TGFB3: variants seen among roughly 807,000 people sequenced by gnomAD.
The protein encoded by TGFB3 is transforming growth factor beta 3.
In TGFB3, 5 loss-of-function variants were observed where a neutral mutation model predicts 40.1. That is an observed-to-expected ratio of 0.12 (90% CI 0.07 to 0.26). The LOEUF is 0.26. Among genes scored for constraint, TGFB3 ranks in the 10% least tolerant of loss-of-function variants. TGFB3 has a pLI of 1.00. For synonymous variants in TGFB3, 184 were observed against 205.6 expected, an observed-to-expected ratio of 0.89 and a Z score of 0.90; for missense variants, 373 against 530.1, an observed-to-expected ratio of 0.70 and a Z score of 2.91.
rs3917150 is a variant in TGFB3 at position 75,979,854 on chromosome 14, G to A, written c.352+688C>T. Among the ~76,000 whole-genome samples, 1 of 152,174 alleles carries A rather than the reference G, an allele frequency of 6.6e-6. No homozygotes were observed. Among genetic ancestry groups the A allele is most frequent in the Non-Finnish European group, 1.5e-5 (1 of 68,026 alleles). ...GCGCCCATTTTGAGCACATGAATCT[G>A]TCTACTGCACAAGACTGCATGTCAC... On this transcript the variant is annotated intron_variant, in intron 1 of 6. Coordinates refer to ENST00000238682, the MANE Select transcript of TGFB3 (RefSeq NM_003239.5). This position sits in a 1 kb window ranked among gnomAD's most constrained non-coding sequence, Gnocchi z 4.8.
chr14:75,959,829 G>A (rs1283851851), intron 6 of TGFB3, among the ~76,000 whole-genome samples: 3 of 149,698 alleles, frequency 2.0e-5, no homozygotes, highest in Non-Finnish European at 4.4e-5. Context: ...TAGTTGTGTA[G>A]TTGCTGTTCA....
chr14:75,981,416 G>C lies in TGFB3; in HGVS notation c.-523C>G, dbSNP rs2035430989. On this transcript the variant is annotated 5_prime_UTR_variant, in exon 1 of 7. Coordinates refer to ENST00000238682, the MANE Select transcript of TGFB3 (RefSeq NM_003239.5). This position sits in a 1 kb window ranked among gnomAD's most constrained non-coding sequence, Gnocchi z 4.7. ...TAAGAAAAGAGAATGGAAAAGAAAA[G>C]GGAAAAAAAAGTAAAAAAAAAAAGA... 5.8e-6 allele frequency: 1 copy of C among 173,466 alleles called. No individual in the cohort carries two copies. The highest frequency in any genetic ancestry group is 2.4e-5 in the African/African-American group (1 of 41,416). 10.7% of individuals were successfully genotyped at this position (173,466 alleles called of 1,614,324 possible).
At chr14:75,962,279 A>T (rs2035166725) in intron 5 of TGFB3, among the ~76,000 whole-genome samples, 1 of 152,122 alleles carries the variant, frequency 6.6e-6, no homozygotes, top group Non-Finnish European at 1.5e-5. Flanking sequence ...CCTAACTGAT[A>T]ACTGATTCGT....
At chr14:75,972,466 A>T (rs1244373068) in intron 1 of TGFB3, among the ~76,000 whole-genome samples, 1 of 152,214 alleles carries the variant, frequency 6.6e-6, no homozygotes, top group Non-Finnish European at 1.5e-5. Context: ...ATGCAGGAGC[A>T]CAGGTGAGGG....
rs2035405309 is a variant in TGFB3, at chr14:75,980,066, G to T, written c.352+476C>A. ...TTGGGGCAGGTATTCTTCTTCCCAAGAACTGGAAAAACTGAAACGGAGACG... is the reference window on the plus strand; with the variant it reads ...TTGGGGCAGGTATTCTTCTTCCCAATAACTGGAAAAACTGAAACGGAGACG... On this transcript the variant is annotated intron_variant, in intron 1 of 6. Coordinates refer to ENST00000238682, the MANE Select transcript of TGFB3 (RefSeq NM_003239.5). The surrounding 1 kb of genome is among the most constrained non-coding windows in gnomAD (Gnocchi z 4.3). 6.6e-6 allele frequency among the ~76,000 whole-genome samples: 1 copy of T among 152,182 alleles called. No individual in the cohort carries two copies. Among genetic ancestry groups the T allele is most frequent in the South Asian group, 2.1e-4 (1 of 4,836 alleles).
chr14:75,963,691 C>T (rs910284694), intron 4 of TGFB3, among the ~76,000 whole-genome samples: 1 of 152,158 alleles, frequency 6.6e-6, no homozygotes, highest in African/African-American at 2.4e-5. Flanking sequence ...CAAAAGAACT[C>T]ATTATTATTG....
At position 75,959,108 on chromosome 14, in the gene TGFB3, G is replaced by A. The variant is rs969758332; in HGVS notation, c.*79C>T. The A allele has an allele frequency of 1.6e-5, 26 of 1,595,026 alleles. No homozygotes were observed. The highest frequency in any genetic ancestry group is 1.5e-4 in the Admixed American group (9 of 59,850). The stretch of plus-strand genomic sequence containing the variant: ...GGCTCCAGGCCTCTCAGTGAGGTTT[G>A]TTGCTTGTGTGTTTCCCGAGGAGCG... On this transcript the variant is annotated 3_prime_UTR_variant, in exon 7 of 7. Coordinates refer to ENST00000238682, the MANE Select transcript of TGFB3 (RefSeq NM_003239.5).
chr14:75,961,648 G>A (rs985903868), intron 5 of TGFB3, among the ~76,000 whole-genome samples: 10 of 152,132 alleles, frequency 6.6e-5, no homozygotes, highest in Admixed American at 1.3e-4. Flanking sequence ...CAATAATACC[G>A]CTTGCCAAGT....
intron 6 of TGFB3, among the ~76,000 whole-genome samples, chr14:75,959,792 T>C (rs891517871): frequency 1.4e-4 from 21 of 150,242 alleles, no homozygotes; most frequent in Non-Finnish European, 4.4e-5. Context: ...AAAAAAAAAC[T>C]GTTGGAACCT....
rs1402943458 is a variant in TGFB3, at chr14:75,958,965, GC to G, written c.*221del. ...AAGTCTGTGTGTTCTGAAGAGTTCAGCCTTCCTCTAACCAAACCCACACTTT... is the reference window on the plus strand; with the variant it reads ...AAGTCTGTGTGTTCTGAAGAGTTCAGCTTCCTCTAACCAAACCCACACTTT... On this transcript the variant is annotated 3_prime_UTR_variant, in exon 7 of 7. Coordinates refer to ENST00000238682, the MANE Select transcript of TGFB3 (RefSeq NM_003239.5). 1.7e-6 allele frequency: 1 copy of G among 588,224 alleles called. No individual in the cohort carries two copies. The highest frequency in any genetic ancestry group is 1.8e-5 in the African/African-American group (1 of 54,298). 36.4% of individuals were successfully genotyped at this position (588,224 alleles called of 1,614,324 possible). A position where few individuals can be genotyped will look rare whatever the true frequency, so the allele number is the denominator to read the frequency against.
intron 3 of TGFB3, chr14:75,966,195 T>C (rs2035219294): frequency 5.6e-6 from 1 of 179,090 alleles, no homozygotes; most frequent in East Asian, 1.4e-4. Flanking sequence ...GAGACTGTGA[T>C]TCAAAAGGCC....
Position 75,980,633 on chromosome 14 carries a change from C to T in TGFB3, c.261G>A (p.Arg87=), listed in dbSNP as rs1451399010. ...TGTTTTCCTGGGTGCAGCCTTCCTC[C>T]CTCTCCCCATGCATCTCCTCCAGCA... The part of the protein sequence containing the change: ...RELLEEMHGE[R]EEGCTQENTE... The change falls in exon 1 of 7, where the codon AGG becomes AGA. Residue 87 remains arginine (R), a synonymous_variant. Coordinates refer to ENST00000238682, the MANE Select transcript of TGFB3 (RefSeq NM_003239.5). This position sits in a 1 kb window ranked among gnomAD's most constrained non-coding sequence, Gnocchi z 4.3. 1 of 1,614,080 alleles carries T rather than the reference C, an allele frequency of 6.2e-7. No individual in the cohort carries two copies. Among genetic ancestry groups the T allele is most frequent in the East Asian group, 2.2e-5 (1 of 44,894 alleles).
At chr14:75,965,263 C>G (rs2035207620) in intron 4 of TGFB3, among the ~76,000 whole-genome samples, 1 of 152,214 alleles carries the variant, frequency 6.6e-6, no homozygotes, top group African/African-American at 2.4e-5. Context: ...TTCATTATCT[C>G]ATTTAATTGC....
chr14:75,964,377 C>T (rs1349859952), intron 4 of TGFB3, among the ~76,000 whole-genome samples: 1 of 152,038 alleles, frequency 6.6e-6, no homozygotes, highest in Non-Finnish European at 1.5e-5. Flanking sequence ...AGTGTTTTCA[C>T]TATAAAATTC....
At position 75,978,781 on chromosome 14, in the gene TGFB3, C is replaced by T. The variant is rs1014358966; in HGVS notation, c.352+1761G>A. On this transcript the variant is annotated intron_variant, in intron 1 of 6. Transcript: ENST00000238682. The surrounding 1 kb of genome is among the most constrained non-coding windows in gnomAD (Gnocchi z 5.0). The stretch of plus-strand genomic sequence containing the variant: ...TTGCACCTGCATGGCCTTGCCTCCA[C>T]GTGGCTCATTCATTCTCAGCTCAGG... 3.9e-5 allele frequency among the ~76,000 whole-genome samples: 6 copies of T among 152,198 alleles called. No individual in the cohort carries two copies. The highest frequency in any genetic ancestry group is 8.8e-5 in the Non-Finnish European group (6 of 68,026).
Position 75,980,427 on chromosome 14 carries a change from C to T in TGFB3, c.352+115G>A. 9.2e-7 allele frequency: 1 copy of T among 1,081,752 alleles called. No homozygotes were observed. The highest frequency in any genetic ancestry group is 1.4e-6 in the Non-Finnish European group (1 of 705,412). 67.0% of individuals were successfully genotyped at this position (1,081,752 alleles called of 1,614,324 possible). On this transcript the variant is annotated intron_variant, in intron 1 of 6. Coordinates refer to ENST00000238682, the MANE Select transcript of TGFB3 (RefSeq NM_003239.5). The surrounding 1 kb of genome is among the most constrained non-coding windows in gnomAD (Gnocchi z 4.3). ...GCATCGCACATCCTGAGCCTTGGTGCTGGTGAATCCTGGGGCACCCTGCTG... is the reference window on the plus strand; with the variant it reads ...GCATCGCACATCCTGAGCCTTGGTGTTGGTGAATCCTGGGGCACCCTGCTG...
chr14:75,959,085 C>CTCCA lies in TGFB3; in HGVS notation c.*98_*101dup. 1 of 1,490,784 alleles carries CTCCA rather than the reference C, an allele frequency of 6.7e-7. No homozygotes were observed. The highest frequency in any genetic ancestry group is 9.3e-7 in the Non-Finnish European group (1 of 1,070,578). 92.3% of individuals were successfully genotyped at this position (1,490,784 alleles called of 1,614,324 possible). ...TTTGCCCGGAGCCGAAGGTTGTGGGCTCCAGGCCTCTCAGTGAGGTTTGTT... is the reference window on the plus strand; with the variant it reads ...TTTGCCCGGAGCCGAAGGTTGTGGGCTCCATCCAGGCCTCTCAGTGAGGTTTGTT... On this transcript the variant is annotated 3_prime_UTR_variant, in exon 7 of 7. Coordinates refer to ENST00000238682, the MANE Select transcript of TGFB3 (RefSeq NM_003239.5).
chr14:75,962,969 C>T (rs1264000495), intron 5 of TGFB3: 3 of 411,370 alleles, frequency 7.3e-6, no homozygotes, highest in African/African-American at 2.0e-5. Context: ...ATTAATCTCA[C>T]ACATACACTC....
At chr14:75,982,727 G>GA (rs1198896758), upstream of TGFB3, 1 of 152,278 alleles carries the variant, frequency 6.6e-6, no homozygotes, top group Non-Finnish European at 1.5e-5. The surrounding 1 kb of genome is among the most constrained non-coding windows in gnomAD (Gnocchi z 4.0). Flanking sequence ...GGTAGAGAGC[G>GA]AGAAAAACAA....
Sources: allele counts gnomAD v4.1 joint callset (sites outside exome capture counted in the v4.1 genomes callset), GRCh38; gene constraint gnomAD v4.1.1; non-coding constraint Gnocchi (gnomAD v3.1); transcripts MANE v1.5; gene names NCBI Gene and HGNC (gene_info 2026-07-23, HGNC 2026-07-21).